Variants in ACBD5 observed in about 807,000 individuals in gnomAD.
ACBD5 encodes acyl-CoA binding domain containing 5.
Under a neutral mutation model 71.8 loss-of-function variants are expected in ACBD5, and 40 were observed. That is an observed-to-expected ratio of 0.56 (90% CI 0.43 to 0.72). The LOEUF is 0.72. ACBD5 is among the 30% of genes least tolerant of loss of function. The pLI is 0.00. For synonymous variants in ACBD5, 229 were observed against 218.6 expected (o/e 1.05, Z -0.42); for missense variants, 559 against 644.5 (o/e 0.87, Z 1.44).
intron 9 of ACBD5, 86 bp from the exon 10 acceptor site, chr10:27,208,531 T>G: frequency 6.8e-7 from 1 of 1,476,322 alleles, no homozygotes; most frequent in Non-Finnish European, 9.3e-7. Context: ...CTGTTATTTC[T>G]TTGAGATCTA....
intron 9 of ACBD5, among the ~76,000 whole-genome samples, chr10:27,208,676 A>G (rs1428129417): frequency 6.6e-5 from 10 of 152,112 alleles, no homozygotes; most frequent in African/African-American, 1.7e-4. Flanking sequence ...TGTCTCTACT[A>G]AAAATACAAA....
At chr10:27,206,143 C>A (rs193285835) in intron 10 of ACBD5, among the ~76,000 whole-genome samples, 312 of 152,034 alleles carry the variant, frequency 2.1e-3, no homozygotes, top group Non-Finnish European at 3.8e-3. Context: ...CTCAGGTTAT[C>A]CTCCTGCCTT....
chr10:27,210,383 C>T (rs1017363665), intron 9 of ACBD5, among the ~76,000 whole-genome samples: 3 of 152,190 alleles, frequency 2.0e-5, no homozygotes, highest in Admixed American at 1.3e-4. Flanking sequence ...TTCAAGACTT[C>T]TATTGTTGTA....
intron 12 of ACBD5, among the ~76,000 whole-genome samples, chr10:27,203,419 C>G (rs1468558875): frequency 6.6e-6 from 1 of 152,144 alleles, no homozygotes; most frequent in East Asian, 1.9e-4. Context: ...CTTGTCATCC[C>G]AAACTGGAAA....
Position 27,183,309 on chromosome 10 carries a change from C to T in ACBD5, c.1494-594G>A, listed in dbSNP as rs545536545. On this transcript the variant is annotated intron_variant, in intron 13 of 13. Transcript: ENST00000676511. ...GTTGTTGTTGTTGTTGAGACAGAGA[C>T]TTGCTCTGTCACCAGGCTGCAGTGC... 1.3e-4 allele frequency among the ~76,000 whole-genome samples: 20 copies of T among 152,140 alleles called. 1 individual carries two copies. Among genetic ancestry groups the T allele is most frequent in the Admixed American group, 1.2e-3 (19 of 15,258 alleles).
chr10:27,227,784 C>T (rs1564685440), intron 4 of ACBD5, among the ~76,000 whole-genome samples: 1 of 151,956 alleles, frequency 6.6e-6, no homozygotes, highest in African/African-American at 2.4e-5. Flanking sequence ...GTGATCTCGA[C>T]TCCCTGCAAC....
chr10:27,204,445 C>T lies in ACBD5; in HGVS notation c.1560G>A (p.Arg520=). Residue 520 remains arginine (R), a synonymous_variant, in exon 12 of 13, where the codon AGG becomes AGA. Transcript: ENST00000396271. Reference sequence around the variant, plus strand: ...AATGATGAAACTGGTCTTACCTTCTCCTTCTTTGATAGTATAAATACACCA... The same window carrying T: ...AATGATGAAACTGGTCTTACCTTCTTCTTCTTTGATAGTATAAATACACCA... ...QWLVYLYYQR[R]RRKLN The T allele has an allele frequency of 6.2e-7, 1 of 1,611,116 alleles. No homozygotes were observed. The highest frequency in any genetic ancestry group is 1.1e-5 in the South Asian group (1 of 91,004).
At chr10:27,188,494 G>C (rs1355391863) in intron 13 of ACBD5, among the ~76,000 whole-genome samples, 1 of 152,182 alleles carries the variant, frequency 6.6e-6, no homozygotes, top group African/African-American at 2.4e-5. Flanking sequence ...GAACAGAGTA[G>C]ATTGAGGAAC....
At position 27,235,551 on chromosome 10, in the gene ACBD5, T is replaced by C. The variant is rs2780667; in HGVS notation, c.182-339A>G. ...TAGAATAACTATTATTAAGCAATCG[T>C]AATAAGGTACTTTTATTCAAAGCTT... On this transcript the variant is annotated intron_variant, in intron 2 of 12. Transcript: ENST00000396271. Among the ~76,000 whole-genome samples the C allele has an allele frequency of 0.61, 92,963 of 152,066 alleles. 28,939 individuals are homozygous for C. The highest frequency in any genetic ancestry group is 0.68 in the Non-Finnish European group (46,003 of 67,960).
rs1325581010 is a variant in ACBD5, at chr10:27,240,745, C to T, written c.-57G>A. 3.9e-6 allele frequency: 6 copies of T among 1,549,956 alleles called. No individual in the cohort carries two copies. The highest frequency in any genetic ancestry group is 1.2e-5 in the South Asian group (1 of 84,052). On this transcript the variant is annotated 5_prime_UTR_variant, in exon 1 of 13. In the 5' UTR this introduces an upstream ATG that the reference lacks. Transcript: ENST00000396271. This position sits in a 1 kb window ranked among gnomAD's most constrained non-coding sequence, Gnocchi z 4.1. ...CGGTGGCCGCGGAGCCGCTCTCCCA[C>T]CCTGGGGACCCTGGCGGAGCAGCCA... is the stretch of plus-strand genomic sequence containing the variant.
chr10:27,240,862 C>A, upstream of ACBD5: 1 of 978,838 alleles, frequency 1.0e-6, no homozygotes, highest in Non-Finnish European at 1.5e-6. The surrounding 1 kb of genome is among the most constrained non-coding windows in gnomAD (Gnocchi z 4.1). Flanking sequence ...GCGCCGCCGC[C>A]GCCGCAGCAG....
At chr10:27,211,601 G>A (rs2061086822) in intron 8 of ACBD5, among the ~76,000 whole-genome samples, 1 of 152,166 alleles carries the variant, frequency 6.6e-6, no homozygotes, top group South Asian at 2.1e-4. Context: ...TTACAGGAGT[G>A]AGACCCCACG....
In ACBD5 at chr10:27,195,914, T is replaced by C; in HGVS notation, c.*1516A>G. 1 of 453,376 alleles carries C rather than the reference T, an allele frequency of 2.2e-6. No homozygotes were observed. The highest frequency in any genetic ancestry group is 1.6e-5 in the South Asian group (1 of 64,302). 28.1% of individuals were successfully genotyped at this position (453,376 alleles called of 1,614,324 possible). A position where few individuals can be genotyped will look rare whatever the true frequency, so the allele number is the denominator to read the frequency against. ...ATCTTGAGAATGCTTAAAAATTATTTGCTACAGGCCAGGTGCAGTGGCTCA... is the reference window on the plus strand; with the variant it reads ...ATCTTGAGAATGCTTAAAAATTATTCGCTACAGGCCAGGTGCAGTGGCTCA... On this transcript the variant is annotated 3_prime_UTR_variant, in exon 13 of 13. Coordinates refer to ENST00000396271, the MANE Select transcript of ACBD5 (RefSeq NM_145698.5).
rs200180339 is a variant in ACBD5 at position 27,218,136 on chromosome 10, T to C, written c.673A>G (p.Ile225Val). Residue 225 changes from isoleucine to valine, a missense_variant, in exon 7 of 13, where the codon ATT becomes GTT. Physicochemically the swap from Ile to Val is conservative, Grantham distance 29. Coordinates refer to ENST00000396271, the MANE Select transcript of ACBD5 (RefSeq NM_145698.5). ...TCTTTATCATAGCCATTAGTGACAATGACTTCCAAATTCTTATGGTCTGCT... is the reference window on the plus strand; with the variant it reads ...TCTTTATCATAGCCATTAGTGACAACGACTTCCAAATTCTTATGGTCTGCT... Reference protein sequence around the residue: ...KSADHKNLEVIVTNGYDKDGF... With the variant: ...KSADHKNLEVVVTNGYDKDGF... 1.9e-6 allele frequency: 3 copies of C among 1,614,166 alleles called. No individual in the cohort carries two copies. The highest frequency in any genetic ancestry group is 2.5e-6 in the Non-Finnish European group (3 of 1,180,020).
In ACBD5 at chr10:27,223,185, T is replaced by C. The variant is rs7096132; in HGVS notation, c.490+153A>G. The C allele has an allele frequency of 0.032, 23,145 of 731,364 alleles. 3,264 individuals carry two copies. The African/African-American group carries it at 0.33, about 10-fold the overall frequency. 45.3% of individuals were successfully genotyped at this position (731,364 alleles called of 1,614,324 possible). On this transcript the variant is annotated intron_variant, in intron 5 of 12. Transcript: ENST00000396271. ...ACATGTAAATTTTAAACAAAACTTT[T>C]ACATGATTTCATGATTCCTACCTTC...
At chr10:27,229,119 G>A (rs2063527665) in intron 4 of ACBD5, among the ~76,000 whole-genome samples, 1 of 151,142 alleles carries the variant, frequency 6.6e-6, no homozygotes, top group African/African-American at 2.4e-5. Context: ...ACCACAGCCG[G>A]CGTTAAAAGA....
chr10:27,237,250 G>A (rs896173958), intron 2 of ACBD5, among the ~76,000 whole-genome samples: 2 of 152,164 alleles, frequency 1.3e-5, no homozygotes, highest in Non-Finnish European at 2.9e-5. Context: ...TTTATTGAGT[G>A]TAGTCTGTGT....
chr10:27,238,181 G>C (rs565143737), intron 2 of ACBD5, among the ~76,000 whole-genome samples: 85 of 151,816 alleles, frequency 5.6e-4, no homozygotes, highest in Non-Finnish European at 9.3e-4. Flanking sequence ...TCCTGACCTT[G>C]TGATCCGCCA....
chr10:27,204,125 C>T (rs1052975808), intron 12 of ACBD5, among the ~76,000 whole-genome samples: 12 of 76,606 alleles, frequency 1.6e-4, no homozygotes, highest in African/African-American at 4.5e-4. Flanking sequence ...GGCAACAAAA[C>T]GGGACCCAGT....
Sources: gnomAD v4.1 joint callset for allele counts (sites outside exome capture counted in the v4.1 genomes callset) on GRCh38, gnomAD v4.1.1 for gene constraint, Gnocchi (gnomAD v3.1) non-coding constraint, MANE v1.5 for transcripts, NCBI Gene and HGNC (gene_info 2026-07-23, HGNC 2026-07-21) for gene names.